The following USP32 variants were observed in gnomAD, a reference collection of about 807,000 sequenced individuals.
The protein encoded by USP32 is ubiquitin carboxyl-terminal hydrolase 32.
Under a neutral mutation model 204.8 loss-of-function variants are expected in USP32, and 59 were observed. The observed-to-expected ratio is 0.29, with a 90% confidence interval of 0.23 to 0.36. USP32 has a LOEUF of 0.36. Among genes scored for constraint, USP32 ranks in the 10% least tolerant of loss-of-function variants. The probability of loss-of-function intolerance (pLI) is 1.00; values close to 1 mark genes in which losing one functional copy is unlikely to be tolerated. For missense variants in USP32, 1,160 were observed against 1,946.4 expected (o/e 0.60, Z 7.60); for synonymous variants, 517 against 678.4 (o/e 0.76, Z 3.70).
At chr17:60,349,665 AC>A (rs1418573739) in intron 1 of USP32, among the ~76,000 whole-genome samples, 37 of 113,642 alleles carry the variant, frequency 3.3e-4, no homozygotes, top group African/African-American at 1.4e-3. Context: ...ATATATATAC[AC>A]ATATATATAT....
intron 2 of USP32, among the ~76,000 whole-genome samples, chr17:60,333,981 G>A (rs1364423412): frequency 6.6e-6 from 1 of 152,102 alleles, no homozygotes; most frequent in African/African-American, 2.4e-5. Flanking sequence ...GGGTCACATG[G>A]TGTTATTCAA....
chr17:60,417,828 C>T (rs538732289), intron 1 of USP32, among the ~76,000 whole-genome samples: 14 of 151,804 alleles, frequency 9.2e-5, no homozygotes, highest in Non-Finnish European at 1.8e-4. Context: ...CTTGCTGTGT[C>T]GCCCAGGCTG....
rs961665886 is a variant in USP32 at position 60,398,032 on chromosome 17, C to T, written c.106+24214G>A. Among the ~76,000 whole-genome samples the T allele has an allele frequency of 4.6e-5, 7 of 151,382 alleles. No individual in the cohort carries two copies. In the South Asian group the frequency reaches 1.5e-3, roughly 31 times the overall value. On this transcript the variant is annotated intron_variant, in intron 1 of 3. Coordinates refer to the USP32 transcript ENST00000588898. ...CTTTAAAAGTCCCAATATTTTCTTC[C>T]AAATGGATTTGAAAGCTATAAAATA...
At chr17:60,269,375 A>C in intron 7 of USP32, 75 bp downstream of exon 7, 1 of 1,117,678 alleles carries the variant, frequency 8.9e-7, no homozygotes, top group East Asian at 2.6e-5. Flanking sequence ...TAATCCACAG[A>C]TAATTTTACA....
Position 60,180,418 on chromosome 17 carries a change from T to A in USP32, c.4641+127A>T, listed in dbSNP as rs1309049200. On this transcript the variant is annotated intron_variant, in intron 33 of 33. Coordinates refer to ENST00000300896, the MANE Select transcript of USP32 (RefSeq NM_032582.4). ...TTTTGTTCCTTTAATACTGACAGCA[T>A]CTATATATTGATTCTAACAGAAATA... is the stretch of plus-strand genomic sequence containing the variant. 9 of 1,054,704 alleles carry A rather than the reference T, an allele frequency of 8.5e-6. No individual in the cohort carries two copies. In the Admixed American group the frequency reaches 9.0e-5, roughly 11 times the overall value. 65.3% of individuals were successfully genotyped at this position (1,054,704 alleles called of 1,614,324 possible).
upstream of USP32, among the ~76,000 whole-genome samples, chr17:60,395,614 ATTAAC>A (rs548790276): frequency 1.1e-3 from 168 of 152,348 alleles, no homozygotes; most frequent in South Asian, 2.5e-3. Flanking sequence ...TTTCATTATA[ATTAAC>A]TTAATCCATT....
chr17:60,188,398 T>C (rs1428908638), intron 29 of USP32, among the ~76,000 whole-genome samples: 1 of 152,220 alleles, frequency 6.6e-6, no homozygotes, highest in Non-Finnish European at 1.5e-5. Context: ...GTCAAAATAT[T>C]GGCAGATTTT....
At chr17:60,392,415 G>T (rs2089857770), upstream of USP32, 4 of 247,890 alleles carry the variant, frequency 1.6e-5, no homozygotes, top group South Asian at 9.5e-5. Context: ...AATCGCAGCC[G>T]CGCGCCCCGC....
At chr17:60,350,895 ATTT>A (rs879406912) in intron 1 of USP32, among the ~76,000 whole-genome samples, 2 of 148,992 alleles carry the variant, frequency 1.3e-5, no homozygotes, top group Non-Finnish European at 3.0e-5. Flanking sequence ...AAGCTATTGA[ATTT>A]TTTTTTTTAA....
intron 5 of USP32, among the ~76,000 whole-genome samples, chr17:60,284,298 C>G (rs2087053058): frequency 6.6e-6 from 1 of 151,590 alleles, no homozygotes; most frequent in African/African-American, 2.4e-5. Flanking sequence ...ACTGCAACCC[C>G]CGCCTCCCAG....
chr17:60,394,210 T>A (rs2089883463), upstream of USP32, among the ~76,000 whole-genome samples: 1 of 152,210 alleles, frequency 6.6e-6, no homozygotes, highest in Non-Finnish European at 1.5e-5. Flanking sequence ...AACACCTCAG[T>A]CATCTTCAGC....
intron 1 of USP32, among the ~76,000 whole-genome samples, chr17:60,349,596 AAT>A (rs1187939098): frequency 0.012 from 762 of 65,090 alleles, 47 homozygotes; most frequent in South Asian, 0.031. Flanking sequence ...AAAAAAAAAA[AAT>A]ATATATATAT....
chr17:60,364,400 G>A (rs892455486), intron 1 of USP32, among the ~76,000 whole-genome samples: 2 of 152,188 alleles, frequency 1.3e-5, no homozygotes, highest in African/African-American at 4.8e-5. Flanking sequence ...GTTTGTTTCA[G>A]ACAGAAGCTC....
intron 29 of USP32, among the ~76,000 whole-genome samples, chr17:60,186,292 G>A (rs1054055531): frequency 2.8e-4 from 43 of 152,212 alleles, no homozygotes; most frequent in African/African-American, 9.9e-4. Flanking sequence ...CAAGCCAGGG[G>A]TGCTGATAGT....
At chr17:60,216,656 T>A (rs1181078722) in intron 16 of USP32, among the ~76,000 whole-genome samples, 3 of 152,236 alleles carry the variant, frequency 2.0e-5, no homozygotes, top group African/African-American at 7.2e-5. Context: ...AGCCTACATT[T>A]AAGTAATTGT....
At chr17:60,391,010 G>A (rs1395717370) in intron 1 of USP32, among the ~76,000 whole-genome samples, 1 of 152,222 alleles carries the variant, frequency 6.6e-6, no homozygotes, top group Non-Finnish European at 1.5e-5. Context: ...CGGTATCAGA[G>A]TGAGTGGTAG....
At chr17:60,307,700 T>C (rs2087758261) in intron 2 of USP32, among the ~76,000 whole-genome samples, 1 of 152,126 alleles carries the variant, frequency 6.6e-6, no homozygotes, top group Admixed American at 6.5e-5. Flanking sequence ...TGGCTAGGGC[T>C]CCACCCTCAG....
intron 1 of USP32, among the ~76,000 whole-genome samples, 194 bp from the exon 2 acceptor site, chr17:60,345,802 C>T (rs370779753): frequency 6.6e-6 from 1 of 151,970 alleles, no homozygotes; most frequent in South Asian, 2.1e-4. Context: ...GACAATGTGG[C>T]GAAACCCCAT....
Position 60,321,341 on chromosome 17 carries a change from C to T in USP32, c.187-19637G>A, listed in dbSNP as rs188575247. Among the ~76,000 whole-genome samples, 123 of 152,274 alleles carry T rather than the reference C, an allele frequency of 8.1e-4. 1 individual carries two copies. Among genetic ancestry groups the T allele is most frequent in the Non-Finnish European group, 9.4e-4 (64 of 68,028 alleles). ...AACTTAACTGACATTGGAACTACAACCAACGTAAGACTGGTGGGAACTGAT... is the reference window on the plus strand; with the variant it reads ...AACTTAACTGACATTGGAACTACAATCAACGTAAGACTGGTGGGAACTGAT... On this transcript the variant is annotated intron_variant, in intron 2 of 33. Transcript: ENST00000300896.
Sources: allele counts gnomAD v4.1 joint callset (sites outside exome capture counted in the v4.1 genomes callset), GRCh38; gene constraint gnomAD v4.1.1; transcripts MANE v1.5; gene names NCBI Gene and HGNC (gene_info 2026-07-23, HGNC 2026-07-21).